Variants in SEC31A observed in about 807,000 individuals in gnomAD.
SEC31A encodes the protein protein transport protein Sec31A.
SEC31A carries 70 observed loss-of-function variants against 151.0 expected under a neutral mutation model. The observed-to-expected ratio is 0.46, with a 90% confidence interval of 0.38 to 0.57. The LOEUF (loss-of-function observed/expected upper bound fraction) is 0.57. Among genes scored for constraint, SEC31A ranks in the 20% least tolerant of loss-of-function variants. The pLI is 0.00. For missense variants in SEC31A, 1,330 were observed against 1,471.2 expected, an observed-to-expected ratio of 0.90 and a Z score of 1.57; for synonymous variants, 475 against 505.9, an observed-to-expected ratio of 0.94 and a Z score of 0.82.
At position 82,842,133 on chromosome 4, in the gene SEC31A, C is replaced by G. The variant is rs189426167; in HGVS notation, c.2968+7G>C. On this transcript the variant is annotated splice_region_variant and intron_variant, in intron 22 of 26. Transcript: ENST00000395310. Reference sequence around the variant, plus strand: ...GGGGCCAAACCAAATCCCTTTCAAGCGCAGACCTGTTCTTTGGGACGCAGG... The same window carrying G: ...GGGGCCAAACCAAATCCCTTTCAAGGGCAGACCTGTTCTTTGGGACGCAGG... The G allele has an allele frequency of 6.5e-7, 1 of 1,542,256 alleles. No homozygotes were observed. The highest frequency in any genetic ancestry group is 1.4e-5 in the African/African-American group (1 of 72,946).
chr4:82,883,782 T>C (rs576423097), intron 1 of SEC31A, among the ~76,000 whole-genome samples: 43 of 151,824 alleles, frequency 2.8e-4, no homozygotes, highest in South Asian at 8.3e-4. Flanking sequence ...TGAGCCGTGA[T>C]TGCGCCACTG....
rs774006212 is a variant in SEC31A, at chr4:82,853,662, CTTGAGT to C, written c.2056_2061del (p.Thr686_Gln687del). 1 of 1,602,846 alleles carries C rather than the reference CTTGAGT, an allele frequency of 6.2e-7. No individual in the cohort carries two copies. Among genetic ancestry groups the C allele is most frequent in the Non-Finnish European group, 8.5e-7 (1 of 1,177,198 alleles). ...CCTGCACAAATATAGCAGAGACATGCTTGAGTCTGCAGGAGGCTATCTCCTTCATTT... is the reference window on the plus strand; with the variant it reads ...CCTGCACAAATATAGCAGAGACATGCCTGCAGGAGGCTATCTCCTTCATTT... On this transcript the variant is annotated inframe_deletion, in exon 18 of 27. Transcript: ENST00000395310.
intron 8 of SEC31A, among the ~76,000 whole-genome samples, chr4:82,869,203 TC>T (rs1373748956): frequency 5.9e-5 from 9 of 152,066 alleles, no homozygotes; most frequent in African/African-American, 1.9e-4. Context: ...CACTGCAAGC[TC>T]CGCCTCCCAG....
intron 1 of SEC31A, 84 bp from the exon 2 acceptor site, chr4:82,882,024 C>G (rs1227061041): frequency 9.7e-7 from 1 of 1,027,154 alleles, no homozygotes; most frequent in Non-Finnish European, 1.5e-6. Flanking sequence ...TAGAAACATA[C>G]TGAACAAACC....
chr4:82,849,726 G>T (rs1234328161), intron 19 of SEC31A, among the ~76,000 whole-genome samples: 2 of 149,968 alleles, frequency 1.3e-5, no homozygotes, highest in African/African-American at 4.9e-5. Flanking sequence ...TGTTAAAAGA[G>T]ATTTTTGAAA....
intron 3 of SEC31A, among the ~76,000 whole-genome samples, chr4:82,879,500 C>T (rs1345687111): frequency 6.6e-6 from 1 of 151,728 alleles, no homozygotes; most frequent in Non-Finnish European, 1.5e-5. Context: ...AAGATTATAA[C>T]AAGTACCCCT....
intron 6 of SEC31A, among the ~76,000 whole-genome samples, chr4:82,872,821 T>A (rs1413688241): frequency 6.6e-6 from 1 of 152,102 alleles, no homozygotes; most frequent in African/African-American, 2.4e-5. Flanking sequence ...TTCTCCCGCT[T>A]CAGCTTCCCA....
rs7658658 is a variant in SEC31A at position 82,819,661 on chromosome 4, C to T, written c.3484-408G>A. Among the ~76,000 whole-genome samples the T allele has an allele frequency of 2.8e-3, 427 of 152,234 alleles. 1 individual carries two copies. Among genetic ancestry groups the T allele is most frequent in the African/African-American group, 9.6e-3 (398 of 41,534 alleles). On this transcript the variant is annotated intron_variant, in intron 26 of 26. Transcript: ENST00000395310. Reference sequence around the variant, plus strand: ...AAGGGCCCAAATTTACTAATTCTTACCTGCTTTTTATAATCCTGTCATCTC... The same window carrying T: ...AAGGGCCCAAATTTACTAATTCTTATCTGCTTTTTATAATCCTGTCATCTC...
At chr4:82,869,113 A>C (rs1218440722) in intron 8 of SEC31A, among the ~76,000 whole-genome samples, 1 of 151,512 alleles carries the variant, frequency 6.6e-6, no homozygotes, top group African/African-American at 2.4e-5. Context: ...ACAAATTCCA[A>C]TTTTTATTTA....
At chr4:82,855,780 G>C (rs1732496537) in intron 16 of SEC31A, among the ~76,000 whole-genome samples, 1 of 152,092 alleles carries the variant, frequency 6.6e-6, no homozygotes, top group African/African-American at 2.4e-5. Context: ...CACACACTGG[G>C]GCCTATTGGA....
intron 5 of SEC31A, 143 bp from the exon 6 acceptor site, chr4:82,874,894 C>T: frequency 2.5e-6 from 2 of 812,182 alleles, no homozygotes; most frequent in Non-Finnish European, 3.8e-6. Context: ...TATAGTCCTA[C>T]ATCTCTACAT....
At chr4:82,883,508 C>G (rs1407743607) in intron 1 of SEC31A, among the ~76,000 whole-genome samples, 1 of 152,144 alleles carries the variant, frequency 6.6e-6, no homozygotes, top group Admixed American at 6.6e-5. Context: ...TCAGAGCATA[C>G]TGTCACACTT....
chr4:82,880,869 T>C lies in SEC31A; in HGVS notation c.133A>G (p.Ile45Val). The C allele has an allele frequency of 3.7e-6, 6 of 1,611,986 alleles. No homozygotes were observed. Among genetic ancestry groups the C allele is most frequent in the Admixed American group, 1.7e-5 (1 of 59,990 alleles). Reference protein sequence around the residue: ...ATFSTNASLEIFELDLSDPSL... With the variant: ...ATFSTNASLEVFELDLSDPSL... Reference sequence around the variant, plus strand: ...GGATCAGAGAGGTCTAATTCAAATATCTCAAGGGAAGCATTCGTACTAAAT... The same window carrying C: ...GGATCAGAGAGGTCTAATTCAAATACCTCAAGGGAAGCATTCGTACTAAAT... Residue 45 changes from isoleucine (I) to valine (V), a missense_variant, in exon 3 of 27, where the codon ATA becomes GTA. Ile to Val is a conservative substitution (Grantham distance 29). Transcript: ENST00000395310.
chr4:82,890,101 G>A (rs1376297166), intron 1 of SEC31A, among the ~76,000 whole-genome samples: 2 of 150,974 alleles, frequency 1.3e-5, no homozygotes, highest in African/African-American at 2.4e-5. Flanking sequence ...GGTGGTGGGC[G>A]CCTGTAATCC....
chr4:82,820,310 C>A (rs1303284203), intron 26 of SEC31A, among the ~76,000 whole-genome samples: 1 of 151,822 alleles, frequency 6.6e-6, no homozygotes, highest in Non-Finnish European at 1.5e-5. Flanking sequence ...CACACTACTT[C>A]CACTGTTATA....
At position 82,844,467 on chromosome 4, in the gene SEC31A, C is replaced by T. The variant is rs774369771; in HGVS notation, c.2545G>A (p.Val849Ile). 2 of 1,613,822 alleles carry T rather than the reference C, an allele frequency of 1.2e-6. No individual in the cohort carries two copies. The highest frequency in any genetic ancestry group is 1.7e-5 in the Admixed American group (1 of 60,012). ...AGCTGACCAGCAGCATTTGGATTAACATTTCCATGCATTATGAAACCCGGA... is the reference window on the plus strand; with the variant it reads ...AGCTGACCAGCAGCATTTGGATTAATATTTCCATGCATTATGAAACCCGGA... ...PPPGFIMHGN[V>I]NPNAAGQLPT... The change falls in exon 21 of 27, where the codon GTT (valine) becomes ATT (isoleucine). Residue 849 changes from valine to isoleucine, a missense_variant. Physicochemically the swap from Val to Ile is conservative, Grantham distance 29 (BLOSUM62 3). Coordinates refer to ENST00000395310, the MANE Select transcript of SEC31A (RefSeq NM_001077207.4).
chr4:82,870,736 A>G (rs1444662177), intron 7 of SEC31A, among the ~76,000 whole-genome samples: 1 of 152,174 alleles, frequency 6.6e-6, no homozygotes, highest in Non-Finnish European at 1.5e-5. Context: ...AAAAAAAGAA[A>G]TAAAAATAAA....
At chr4:82,862,069 C>G (rs533389022) in intron 13 of SEC31A, among the ~76,000 whole-genome samples, 2 of 151,540 alleles carry the variant, frequency 1.3e-5, no homozygotes, top group Non-Finnish European at 2.9e-5. Flanking sequence ...TGTGCCACCA[C>G]GCCCAGCTAA....
chr4:82,848,963 C>T lies in SEC31A; in HGVS notation c.2343G>A (p.Gln781=). Residue 781 remains glutamine, a synonymous_variant, in exon 20 of 27, where the codon CAG becomes CAA. Transcript: ENST00000395310. ...PDNTNQPNIM[Q]LRDRLCRAQG... ...GTGCTCTACAAAGTCTGTCACGAAGCTGCATGATATTTGGCTAAAAAGGAT... is the reference window on the plus strand; with the variant it reads ...GTGCTCTACAAAGTCTGTCACGAAGTTGCATGATATTTGGCTAAAAAGGAT... 6.2e-7 allele frequency: 1 copy of T among 1,613,198 alleles called. No individual in the cohort carries two copies. The highest frequency in any genetic ancestry group is 8.5e-7 in the Non-Finnish European group (1 of 1,179,652).
Sources: allele counts gnomAD v4.1 joint callset (sites outside exome capture counted in the v4.1 genomes callset), GRCh38; gene constraint gnomAD v4.1.1; transcripts MANE v1.5; gene names NCBI Gene and HGNC (gene_info 2026-07-23, HGNC 2026-07-21).